ATP2B4: variants seen among roughly 807,000 people sequenced by gnomAD.
ATP2B4 encodes ATPase plasma membrane Ca2+ transporting 4.
ATP2B4 carries 39 observed loss-of-function variants against 110.3 expected under a neutral mutation model. The observed-to-expected ratio is 0.35, with a 90% confidence interval of 0.27 to 0.46. ATP2B4 has a LOEUF of 0.46. ATP2B4 is among the 20% of genes least tolerant of loss of function. The pLI, the probability that ATP2B4 is intolerant of heterozygous loss-of-function variation, is 1.00. For synonymous variants in ATP2B4, 538 were observed against 571.7 expected (o/e 0.94, Z 0.84); for missense variants, 1,135 against 1,530.9 (o/e 0.74, Z 4.32).
chr1:203,706,930 A>G, intron 8 of ATP2B4, 79 bp from the exon 9 acceptor site: 1 of 1,248,176 alleles, frequency 8.0e-7, no homozygotes, highest in South Asian at 1.3e-5. Context: ...AAAGGCTACA[A>G]CTGATGCCAA....
intron 20 of ATP2B4, chr1:203,728,447 A>C (rs1666587669): frequency 4.3e-6 from 1 of 233,872 alleles, no homozygotes; most frequent in African/African-American, 2.3e-5. Flanking sequence ...AAACACTGTA[A>C]ATTCCAAGAT....
intron 1 of ATP2B4, among the ~76,000 whole-genome samples, chr1:203,627,709 A>T (rs1663131655): frequency 6.7e-6 from 1 of 150,062 alleles, no homozygotes; most frequent in Non-Finnish European, 1.5e-5. Context: ...AGAAATCTTC[A>T]GCAGAAAGAG....
Position 203,656,895 on chromosome 1 carries a change from G to T in ATP2B4, c.-464-25847G>T, listed in dbSNP as rs1350850534. 7.3e-6 allele frequency: 4 copies of T among 544,882 alleles called. No individual in the cohort carries two copies. In the East Asian group the frequency reaches 1.3e-4, roughly 17 times the overall value. 33.8% of individuals were successfully genotyped at this position (544,882 alleles called of 1,614,324 possible). A position where few individuals can be genotyped will look rare whatever the true frequency, so the allele number is the denominator to read the frequency against. On this transcript the variant is annotated intron_variant, in intron 1 of 20. Transcript: ENST00000357681. ...GATTGCAGACATATATGGCTGTTTG[G>T]TAGAAACATTACAGTAATGGCAGTT... is the stretch of plus-strand genomic sequence containing the variant.
chr1:203,691,710 A>T (rs4951381), intron 2 of ATP2B4, among the ~76,000 whole-genome samples: 2 of 152,022 alleles, frequency 1.3e-5, no homozygotes, highest in Non-Finnish European at 2.9e-5. Context: ...TCTCCAAGCC[A>T]TGCGTGTATT....
chr1:203,667,148 C>T (rs1159502209), intron 1 of ATP2B4, among the ~76,000 whole-genome samples: 1 of 152,136 alleles, frequency 6.6e-6, no homozygotes, highest in Non-Finnish European at 1.5e-5. Context: ...GATGGGGTTT[C>T]ACCATGTTGC....
intron 1 of ATP2B4, among the ~76,000 whole-genome samples, chr1:203,677,343 TC>T (rs1664857679): frequency 6.6e-6 from 1 of 152,022 alleles, no homozygotes; most frequent in South Asian, 2.1e-4. Context: ...CCTTCCCACC[TC>T]TCCCAATCCC....
In ATP2B4 at chr1:203,718,222, T is replaced by A. The variant is rs983852898; in HGVS notation, c.2407-2327T>A. 1.1e-4 allele frequency among the ~76,000 whole-genome samples: 16 copies of A among 152,134 alleles called. No homozygotes were observed. In the East Asian group the frequency reaches 3.1e-3, roughly 29 times the overall value. On this transcript the variant is annotated intron_variant, in intron 15 of 20. Coordinates refer to ENST00000357681, the MANE Select transcript of ATP2B4 (RefSeq NM_001684.5). Reference sequence around the variant, plus strand: ...ACTTTTAGAAGAAATAATAATTTTTTAAAGAATTATAGATGTCTAACTTCC... The same window carrying A: ...ACTTTTAGAAGAAATAATAATTTTTAAAAGAATTATAGATGTCTAACTTCC...
intron 18 of ATP2B4, 67 bp downstream of exon 18, chr1:203,722,756 G>C (rs1666376445): frequency 6.7e-7 from 1 of 1,501,498 alleles, no homozygotes; most frequent in Admixed American, 1.8e-5. Context: ...GGGAGCCAGG[G>C]TTCCCTACAT....
chr1:203,650,310 G>T (rs1383418618), intron 1 of ATP2B4, among the ~76,000 whole-genome samples: 1 of 152,176 alleles, frequency 6.6e-6, no homozygotes, highest in Non-Finnish European at 1.5e-5. Flanking sequence ...GAGGGGCAGG[G>T]TGAGAACTGG....
intron 20 of ATP2B4, among the ~76,000 whole-genome samples, chr1:203,732,658 C>T (rs112828949): frequency 6.6e-6 from 1 of 152,078 alleles, no homozygotes; most frequent in Non-Finnish European, 1.5e-5. Flanking sequence ...GTTCCTGAGC[C>T]TTCAAATTCA....
chr1:203,703,300 C>T (rs903040136), intron 7 of ATP2B4, among the ~76,000 whole-genome samples: 2 of 152,114 alleles, frequency 1.3e-5, no homozygotes, highest in African/African-American at 4.8e-5. Flanking sequence ...GCACTGAGTT[C>T]CAGGAAGGAT....
intron 20 of ATP2B4, among the ~76,000 whole-genome samples, chr1:203,727,997 C>T (rs1356968887): frequency 6.6e-6 from 1 of 152,158 alleles, no homozygotes; most frequent in Non-Finnish European, 1.5e-5. Context: ...AATATAGCTT[C>T]CTCACACTGC....
At chr1:203,650,414 C>T (rs1473420008) in intron 1 of ATP2B4, among the ~76,000 whole-genome samples, 2 of 152,190 alleles carry the variant, frequency 1.3e-5, no homozygotes, top group African/African-American at 4.8e-5. Context: ...AGGTGCTTGG[C>T]TGGCTGGGTC....
At chr1:203,700,185 T>G (rs370135314) in intron 4 of ATP2B4, 21 bp from the exon 5 acceptor site, 135 of 1,608,224 alleles carry the variant, frequency 8.4e-5, no homozygotes, top group Non-Finnish European at 1.1e-4. Flanking sequence ...TCACTGTCCC[T>G]CCTTCCCCTT....
chr1:203,627,386 A>G (rs1461004810), intron 1 of ATP2B4, among the ~76,000 whole-genome samples, 167 bp downstream of exon 1: 2 of 152,152 alleles, frequency 1.3e-5, no homozygotes, highest in African/African-American at 2.4e-5. Context: ...TTTGTCAAAT[A>G]CTGTTTTACC....
intron 17 of ATP2B4, 131 bp from the exon 18 acceptor site, chr1:203,722,347 A>T (rs1666362080): frequency 4.1e-6 from 3 of 737,212 alleles, no homozygotes; most frequent in African/African-American, 3.5e-5. Context: ...AAAATAAATA[A>T]CTAGTGCAGC....
At chr1:203,673,538 G>A (rs1664737727) in intron 1 of ATP2B4, among the ~76,000 whole-genome samples, 1 of 152,220 alleles carries the variant, frequency 6.6e-6, no homozygotes, top group Admixed American at 6.5e-5. Flanking sequence ...ATTTGCCTGT[G>A]ACTTCCAGGA....
chr1:203,672,335 T>C (rs1664693772), intron 1 of ATP2B4, among the ~76,000 whole-genome samples: 1 of 54,376 alleles, frequency 1.8e-5, no homozygotes, highest in African/African-American at 5.0e-5. Flanking sequence ...TTTTTTTTTT[T>C]TTTTTTTTTT....
At chr1:203,689,712 G>C (rs1346032162) in intron 2 of ATP2B4, among the ~76,000 whole-genome samples, 1 of 152,256 alleles carries the variant, frequency 6.6e-6, no homozygotes, top group Non-Finnish European at 1.5e-5. Context: ...GGGTGAACAT[G>C]ACAGGTGCAG....
Sources: allele counts gnomAD v4.1 joint callset (sites outside exome capture counted in the v4.1 genomes callset), GRCh38; gene constraint gnomAD v4.1.1; transcripts MANE v1.5; gene names NCBI Gene and HGNC (gene_info 2026-07-23, HGNC 2026-07-21).